RSRC1: variants seen among roughly 807,000 people sequenced by gnomAD.
The protein encoded by RSRC1 is arginine and serine rich coiled-coil 1.
In RSRC1, 39 loss-of-function variants were observed where a neutral mutation model predicts 49.1. The observed-to-expected ratio is 0.79, with a 90% CI of 0.61 to 1.04. The LOEUF (loss-of-function observed/expected upper bound fraction) is 1.04. Among genes scored for constraint, RSRC1 ranks in the 50% least tolerant of loss-of-function variants. The probability of loss-of-function intolerance (pLI) is 0.00; values close to 1 mark genes in which losing one functional copy is unlikely to be tolerated. For synonymous variants in RSRC1, 143 were observed against 130.8 expected (o/e 1.09, Z -0.63); for missense variants, 388 against 402.4 (o/e 0.96, Z 0.31).
At chr3:158,207,602 A>T (rs1180806657) in intron 4 of RSRC1, among the ~76,000 whole-genome samples, 1 of 150,660 alleles carries the variant, frequency 6.6e-6, no homozygotes, top group African/African-American at 2.4e-5. Flanking sequence ...GCTTCTTCAC[A>T]TGGGAAAACA....
intron 6 of RSRC1, among the ~76,000 whole-genome samples, chr3:158,457,461 A>ATATCTGTTTGGCAG (rs1404839668): frequency 3.3e-5 from 5 of 152,160 alleles, no homozygotes; most frequent in African/African-American, 7.2e-5. Context: ...TGATTTTGAA[A>ATATCTGTTTGGCAG]TATCTGTTTG....
intron 4 of RSRC1, among the ~76,000 whole-genome samples, chr3:158,265,040 T>C (rs192433376): frequency 2.0e-5 from 3 of 152,222 alleles, no homozygotes; most frequent in African/African-American, 7.2e-5. Flanking sequence ...TCTTGTGAAC[T>C]CTTAACTGCC....
chr3:158,265,891 GA>G (rs1020119337), intron 4 of RSRC1, among the ~76,000 whole-genome samples: 4 of 152,088 alleles, frequency 2.6e-5, no homozygotes, highest in South Asian at 2.1e-4. Context: ...AGGTAGGGAT[GA>G]TTTTTTTTGT....
At chr3:158,181,556 A>G (rs1024889672) in intron 3 of RSRC1, among the ~76,000 whole-genome samples, 11 of 150,486 alleles carry the variant, frequency 7.3e-5, no homozygotes, top group African/African-American at 2.7e-4. Context: ...ATTTTATACA[A>G]ATTTCCTTTA....
At chr3:158,221,492 C>A (rs1014393751) in intron 4 of RSRC1, among the ~76,000 whole-genome samples, 1 of 151,306 alleles carries the variant, frequency 6.6e-6, no homozygotes, top group Non-Finnish European at 1.5e-5. Flanking sequence ...TGATAATATT[C>A]TAGTGAAGTT....
At chr3:158,363,464 C>T (rs916986603) in intron 6 of RSRC1, among the ~76,000 whole-genome samples, 5 of 152,006 alleles carry the variant, frequency 3.3e-5, no homozygotes, top group African/African-American at 1.2e-4. Flanking sequence ...GGGGTTTTAC[C>T]ATGTTGGCCA....
intron 3 of RSRC1, among the ~76,000 whole-genome samples, chr3:158,188,112 G>T (rs1720031323): frequency 6.6e-6 from 1 of 151,762 alleles, no homozygotes; most frequent in Non-Finnish European, 1.5e-5. Context: ...GGCTAATTTT[G>T]TTCCAGTGCT....
At chr3:158,154,487 G>T (rs1212191111) in intron 3 of RSRC1, among the ~76,000 whole-genome samples, 1 of 147,896 alleles carries the variant, frequency 6.8e-6, no homozygotes, top group Non-Finnish European at 1.5e-5. Flanking sequence ...TTTTTTGAGA[G>T]GGAGTCTCAC....
intron 7 of RSRC1, among the ~76,000 whole-genome samples, chr3:158,462,217 C>A (rs1374635112): frequency 1.3e-5 from 2 of 151,860 alleles, no homozygotes; most frequent in African/African-American, 4.8e-5. Flanking sequence ...GAATTACCTT[C>A]TTTTGGATCT....
At chr3:158,266,572 T>C (rs1263984319) in intron 4 of RSRC1, among the ~76,000 whole-genome samples, 1 of 152,180 alleles carries the variant, frequency 6.6e-6, no homozygotes, top group Non-Finnish European at 1.5e-5. Context: ...TATCATTACA[T>C]TTTAATTTTT....
At chr3:158,206,100 T>C (rs761781170) in intron 4 of RSRC1, among the ~76,000 whole-genome samples, 3 of 152,206 alleles carry the variant, frequency 2.0e-5, no homozygotes, top group Non-Finnish European at 4.4e-5. Context: ...CAAGAGTTGT[T>C]ATTTGTCATT....
chr3:158,293,299 C>T (rs543221717), intron 4 of RSRC1, among the ~76,000 whole-genome samples: 18 of 151,994 alleles, frequency 1.2e-4, no homozygotes, highest in South Asian at 2.1e-4. Flanking sequence ...CATATGTGTA[C>T]GTACGTACAT....
At chr3:158,308,898 A>G (rs1727984324) in intron 5 of RSRC1, among the ~76,000 whole-genome samples, 1 of 151,982 alleles carries the variant, frequency 6.6e-6, no homozygotes, top group Admixed American at 6.6e-5. Flanking sequence ...TGAGTTGAGT[A>G]TAAAACTTTT....
intron 3 of RSRC1, among the ~76,000 whole-genome samples, chr3:158,136,566 T>C (rs531767442): frequency 2.0e-4 from 30 of 152,256 alleles, no homozygotes; most frequent in African/African-American, 7.0e-4. Context: ...CTTATAGAGG[T>C]ACAGAATTTT....
chr3:158,159,762 A>T (rs919443603), intron 3 of RSRC1, among the ~76,000 whole-genome samples: 2 of 152,104 alleles, frequency 1.3e-5, no homozygotes, highest in African/African-American at 4.8e-5. Flanking sequence ...GGGCTTTAAA[A>T]ATTTTGAGCC....
chr3:158,154,926 A>G (rs1477619348), intron 3 of RSRC1, among the ~76,000 whole-genome samples: 2 of 152,214 alleles, frequency 1.3e-5, no homozygotes, highest in Non-Finnish European at 2.9e-5. Flanking sequence ...CTCATCCATA[A>G]GAAGCAACTC....
chr3:158,255,541 G>A (rs1458921563), intron 4 of RSRC1, among the ~76,000 whole-genome samples: 2 of 152,290 alleles, frequency 1.3e-5, no homozygotes, highest in East Asian at 3.9e-4. Context: ...TTGACTTGGA[G>A]ATGCGGGCTC....
At chr3:158,432,149 A>G (rs1266571781) in intron 6 of RSRC1, among the ~76,000 whole-genome samples, 1 of 151,950 alleles carries the variant, frequency 6.6e-6, no homozygotes, top group Non-Finnish European at 1.5e-5. Flanking sequence ...ATGAAAGAGA[A>G]TAGGTGATTG....
chr3:158,172,737 A>G (rs2108240016), intron 3 of RSRC1, among the ~76,000 whole-genome samples: 1 of 152,250 alleles, frequency 6.6e-6, no homozygotes, highest in East Asian at 1.9e-4. Flanking sequence ...CTATTTTTTA[A>G]TATTAGAAGC....
Sources: gnomAD v4.1 joint callset for allele counts (sites outside exome capture counted in the v4.1 genomes callset) on GRCh38, gnomAD v4.1.1 for gene constraint, MANE v1.5 for transcripts, NCBI Gene and HGNC (gene_info 2026-07-23, HGNC 2026-07-21) for gene names.